The following IRF1 variants were observed in gnomAD, a reference collection of about 807,000 sequenced individuals.
IRF1 encodes interferon regulatory factor 1, also known as interferon regulatory factor-1.
IRF1 carries 13 observed loss-of-function variants against 43.7 expected under a neutral mutation model. The ratio of observed to expected loss-of-function variants is 0.30; its 90% CI spans 0.19 to 0.47. The LOEUF (loss-of-function observed/expected upper bound fraction) is 0.47, where lower values mean the gene tolerates loss of function less well. IRF1 is among the 20% of genes least tolerant of loss of function. The pLI is 0.99. For synonymous variants in IRF1, 138 were observed against 146.8 expected (o/e 0.94, Z 0.43); for missense variants, 236 against 408.9 (o/e 0.58, Z 3.65).
chr5:132,488,927 T>G, intron 2 of IRF1: 1 of 178,618 alleles, frequency 5.6e-6, no homozygotes, highest in South Asian at 1.2e-4. Flanking sequence ...GTCTATAGGG[T>G]CTATGTTGCC....
chr5:132,484,193 C>A, intron 9 of IRF1, 118 bp from the exon 10 acceptor site: 1 of 1,469,448 alleles, frequency 6.8e-7, no homozygotes, highest in Admixed American at 1.9e-5. Flanking sequence ...CAGTAAACAT[C>A]CACTCAGCTT....
At chr5:132,488,649 A>G (rs1754609938) in intron 2 of IRF1, 1 of 152,912 alleles carries the variant, frequency 6.5e-6, no homozygotes, top group Non-Finnish European at 1.5e-5. Context: ...TACTGTTATT[A>G]TATCACTTAT....
At chr5:132,487,495 A>G (rs2070723) in intron 3 of IRF1, 121,833 of 342,484 alleles carry the variant, frequency 0.36, 22,692 homozygotes, top group African/African-American at 0.49. Flanking sequence ...AACAGTTACT[A>G]AATGGGTGGG....
chr5:132,484,297 G>A (rs1255441033), intron 9 of IRF1, 65 bp downstream of exon 9: 1 of 1,587,054 alleles, frequency 6.3e-7, no homozygotes, highest in Admixed American at 1.7e-5. Flanking sequence ...CTGCCCCCAA[G>A]CTTTCTCCAT....
intron 4 of IRF1, 32 bp from the exon 5 acceptor site, chr5:132,486,876 C>T (rs200597334): frequency 1.2e-6 from 2 of 1,614,136 alleles, no homozygotes; most frequent in African/African-American, 1.3e-5. Context: ...AGCCTTGGTG[C>T]AGGCTCTCCA....
intron 7 of IRF1, 44 bp downstream of exon 7, chr5:132,486,180 TTTCTCTCTCAGGAAGCCCTTCACAGGA>T (rs1405057521): frequency 3.8e-6 from 6 of 1,585,126 alleles, no homozygotes; most frequent in Non-Finnish European, 5.2e-6. Flanking sequence ...CTGATCATCT[TTTCTCTCTCAGGAAGCCCTTCACAGGA>T]CCCAGACAGT....
chr5:132,484,467 T>G lies in IRF1; in HGVS notation c.748A>C (p.Asn250His). The change falls in exon 9 of 10, where the codon AAC (asparagine) becomes CAC (histidine). Residue 250 changes from asparagine to histidine, a missense_variant. Asn to His is a moderately conservative substitution (Grantham distance 68, BLOSUM62 1). This residue lies in a region of IRF1 where 170 missense variants were observed against 251.8 expected (regional missense o/e 0.68). Coordinates refer to ENST00000245414, the MANE Select transcript of IRF1 (RefSeq NM_002198.3). The stretch of plus-strand genomic sequence containing the variant: ...AGTAGGTACCCCTTCCCATCCACGT[T>G]TGTTGGCTGCCACTCCGACTGCTCC... ...LLEQSEWQPT[N>H]VDGKGYLLNE... The G allele has an allele frequency of 6.2e-7, 1 of 1,614,156 alleles. No homozygotes were observed. Among genetic ancestry groups the G allele is most frequent in the Non-Finnish European group, 8.5e-7 (1 of 1,180,024 alleles).
intron 1 of IRF1, 70 bp from the exon 2 acceptor site, chr5:132,489,553 C>T (rs1754644332): frequency 1.6e-6 from 2 of 1,238,820 alleles, no homozygotes; most frequent in African/African-American, 1.5e-5. Flanking sequence ...CCTGCCCCAC[C>T]CGAGGTCACT....
intron 8 of IRF1, 189 bp downstream of exon 8, chr5:132,485,478 C>A: frequency 1.5e-6 from 1 of 653,666 alleles, no homozygotes; most frequent in Non-Finnish European, 2.9e-6. Context: ...GCCAGGCCTC[C>A]CACCTGCCTT....
intron 2 of IRF1, 75 bp downstream of exon 2, chr5:132,489,317 G>A: frequency 9.0e-7 from 1 of 1,107,632 alleles, no homozygotes; most frequent in Non-Finnish European, 1.4e-6. Context: ...TTTTTGAGCT[G>A]CATCTGAAGC....
chr5:132,483,931 A>C lies in IRF1; in HGVS notation c.*20T>G, dbSNP rs892198084. ...CAGGTCCTGCTTGCCTAGAGGAATA[A>C]GAGGGGCCCAGGGGCCCTGCTACGG... On this transcript the variant is annotated 3_prime_UTR_variant, in exon 10 of 10. Coordinates refer to ENST00000245414, the MANE Select transcript of IRF1 (RefSeq NM_002198.3). 1.2e-6 allele frequency: 2 copies of C among 1,612,066 alleles called. No individual in the cohort carries two copies. Among genetic ancestry groups the C allele is most frequent in the Non-Finnish European group, 1.7e-6 (2 of 1,179,670 alleles).
At chr5:132,486,497 C>A in intron 6 of IRF1, 60 bp downstream of exon 6, 1 of 1,612,918 alleles carries the variant, frequency 6.2e-7, no homozygotes, top group South Asian at 1.1e-5. Flanking sequence ...ACCATGCCTC[C>A]AAGAGAAAGA....
chr5:132,488,696 G>A (rs1366503450), intron 2 of IRF1: 1 of 152,920 alleles, frequency 6.5e-6, no homozygotes, highest in Non-Finnish European at 1.5e-5. Flanking sequence ...GACCGTTCAA[G>A]TTCAAATCTT....
chr5:132,486,414 T>C (rs1754528651), intron 6 of IRF1, 41 bp from the exon 7 acceptor site: 2 of 1,609,850 alleles, frequency 1.2e-6, no homozygotes, highest in African/African-American at 2.7e-5. Context: ...TTGTGTGCTT[T>C]CTTAGTTTGC....
intron 9 of IRF1, 25 bp from the exon 10 acceptor site, chr5:132,484,100 T>C (rs776654436): frequency 6.2e-7 from 1 of 1,612,670 alleles, no homozygotes; most frequent in Admixed American, 1.7e-5. Context: ...GAAGGTTGTA[T>C]GAGGGTAGGG....
Position 132,487,002 on chromosome 5 carries a change from C to T in IRF1, c.316G>A (p.Val106Met), listed in dbSNP as rs1167582082. Reference protein sequence around the residue: ...DQSRNKGSSAVRVYRMLPPLT... With the variant: ...DQSRNKGSSAMRVYRMLPPLT... ...GGTGGAAGCATCCGGTACACTCGCA[C>T]AGCTGAGCTGCCCTTGTTCCTGCTC... The change falls in exon 4 of 10, where the codon GTG becomes ATG. Residue 106 changes from valine (V) to methionine (M), a missense_variant. Val to Met is a conservative substitution (Grantham distance 21, BLOSUM62 1). Transcript: ENST00000245414. The T allele has an allele frequency of 1.2e-6, 2 of 1,614,210 alleles. No homozygotes were observed. The highest frequency in any genetic ancestry group is 1.7e-6 in the Non-Finnish European group (2 of 1,180,036).
chr5:132,482,758 C>A lies in IRF1; in HGVS notation c.*1193G>T, dbSNP rs796657481. On this transcript the variant is annotated 3_prime_UTR_variant, in exon 10 of 10. Coordinates refer to ENST00000245414, the MANE Select transcript of IRF1 (RefSeq NM_002198.3). Reference sequence around the variant, plus strand: ...CTCCACCTCCCAGGTTCAAGCGATTCTCTTGCCTCAGCCTCCTGAGTAGCT... The same window carrying A: ...CTCCACCTCCCAGGTTCAAGCGATTATCTTGCCTCAGCCTCCTGAGTAGCT... The A allele has an allele frequency of 1.4e-5, 2 of 140,752 alleles. No homozygotes were observed. Among genetic ancestry groups the A allele is most frequent in the South Asian group, 4.5e-4 (2 of 4,410 alleles). The allele number at this position is 140,752 out of a possible 1,614,324, so 8.7% of individuals were successfully genotyped here. A position where few individuals can be genotyped will look rare whatever the true frequency, so the allele number is the denominator to read the frequency against.
In IRF1 at chr5:132,485,855, C is replaced by A. The variant is rs1339278158; in HGVS notation, c.668-139G>T. ...CACACACACACACACACACACCCTCCCGGTGGACCTATCTGCCATAGAGAT... is the reference window on the plus strand; with the variant it reads ...CACACACACACACACACACACCCTCACGGTGGACCTATCTGCCATAGAGAT... On this transcript the variant is annotated intron_variant, in intron 7 of 9. Coordinates refer to ENST00000245414, the MANE Select transcript of IRF1 (RefSeq NM_002198.3). 88 of 605,940 alleles carry A rather than the reference C, an allele frequency of 1.5e-4. 1 individual carries two copies. The highest frequency in any genetic ancestry group is 4.4e-4 in the Middle Eastern group (1 of 2,292). 37.5% of individuals were successfully genotyped at this position (605,940 alleles called of 1,614,324 possible). A position where few individuals can be genotyped will look rare whatever the true frequency, so the allele number is the denominator to read the frequency against.
rs747583585 is a variant in IRF1 at position 132,484,340 on chromosome 5, T to C, written c.853+22A>G. 2.5e-6 allele frequency: 4 copies of C among 1,613,006 alleles called. No individual in the cohort carries two copies. The Admixed American group carries it at 5.0e-5, about 20-fold the overall frequency. On this transcript the variant is annotated intron_variant, in intron 9 of 9. Transcript: ENST00000245414. ...TGGTTCTCCCTCATCTAAGAAGCCA[T>C]AAGGATCCAGGGCCTTCTTACCCCC...
Sources: gnomAD v4.1 joint callset for allele counts on GRCh38, gnomAD v4.1.1 for gene constraint, gnomAD v4.1.1 regional missense constraint, MANE v1.5 for transcripts, NCBI Gene and HGNC (gene_info 2026-07-23, HGNC 2026-07-21) for gene names.